The following VDAC1 variants were observed in gnomAD, a reference collection of about 807,000 sequenced individuals.
VDAC1 encodes non-selective voltage-gated ion channel VDAC1.
VDAC1 carries 10 observed loss-of-function variants against 34.7 expected under a neutral mutation model. That is an observed-to-expected ratio of 0.29 (90% confidence interval 0.18 to 0.49). VDAC1 has a LOEUF of 0.49. VDAC1 is among the 20% of genes least tolerant of loss of function. The pLI is 0.99. For synonymous variants in VDAC1, 130 were observed against 136.0 expected (o/e 0.96, Z 0.30); for missense variants, 230 against 347.9 (o/e 0.66, Z 2.69).
chr5:134,106,728 T>C, the VDAC1 span, among the ~76,000 whole-genome samples: 1 of 152,242 alleles, frequency 6.6e-6, no homozygotes, highest in Non-Finnish European at 1.5e-5. Context: ...TTACAGATGA[T>C]ACCAAAGAGG....
the VDAC1 span, among the ~76,000 whole-genome samples, chr5:134,079,724 A>C: frequency 2.0e-5 from 3 of 152,146 alleles, no homozygotes; most frequent in Non-Finnish European, 4.4e-5. Flanking sequence ...ACAAAGCCCC[A>C]GGCCTTCCCA....
chr5:134,101,435 C>CA, the VDAC1 span, among the ~76,000 whole-genome samples: 1 of 151,680 alleles, frequency 6.6e-6, no homozygotes, highest in Admixed American at 6.6e-5. Context: ...ATTAAAAATA[C>CA]AAAAAAATTA....
At chr5:133,991,229 C>G in intron 3 of VDAC1, 75 bp from the exon 4 acceptor site, 1 of 1,578,888 alleles carries the variant, frequency 6.3e-7, no homozygotes, top group Non-Finnish European at 8.6e-7. Flanking sequence ...AAACACTATA[C>G]TTGCCTTTCT....
the VDAC1 span, among the ~76,000 whole-genome samples, chr5:134,038,072 C>G: frequency 6.6e-6 from 1 of 152,092 alleles, no homozygotes; most frequent in Non-Finnish European, 1.5e-5. Flanking sequence ...TAGATATGGC[C>G]TCTACCCTCA....
the VDAC1 span, among the ~76,000 whole-genome samples, chr5:134,087,882 G>T: frequency 6.7e-6 from 1 of 149,626 alleles, no homozygotes; most frequent in African/African-American, 2.5e-5. Flanking sequence ...GGGCACGTTG[G>T]TTCACGCCTG....
chr5:134,028,499 T>TTATAACAGTGTTC, the VDAC1 span, among the ~76,000 whole-genome samples: 1 of 152,196 alleles, frequency 6.6e-6, no homozygotes, highest in Non-Finnish European at 1.5e-5. Context: ...TGATCATCAT[T>TTATAACAGTGTTC]TATAACAGTG....
chr5:134,032,041 T>C, the VDAC1 span, among the ~76,000 whole-genome samples: 1 of 143,344 alleles, frequency 7.0e-6, no homozygotes, highest in Non-Finnish European at 1.5e-5. Flanking sequence ...GAGAATTGCC[T>C]GAACCCGGGA....
At chr5:134,021,559 A>AG in the VDAC1 span, among the ~76,000 whole-genome samples, 1 of 147,304 alleles carries the variant, frequency 6.8e-6, no homozygotes, top group Non-Finnish European at 1.5e-5. Flanking sequence ...CCTTGTCTTA[A>AG]AAAAAAAAAA....
the VDAC1 span, among the ~76,000 whole-genome samples, chr5:134,017,059 C>T: frequency 5.3e-5 from 8 of 152,220 alleles, no homozygotes; most frequent in Non-Finnish European, 1.2e-4. Context: ...TCTGCTTAAA[C>T]GGGAACTTCT....
rs1402119216 is a variant in VDAC1, at chr5:134,003,804, G to A, written c.-7+1091C>T. ...ACAATTGCTCCCGTCCTATAGATGA[G>A]AAAACGAAGGTATGGGGACTTCCCA... On this transcript the variant is annotated intron_variant, in intron 1 of 8. Coordinates refer to ENST00000265333, the MANE Select transcript of VDAC1 (RefSeq NM_003374.3). 5.3e-5 allele frequency among the ~76,000 whole-genome samples: 8 copies of A among 152,320 alleles called. No individual in the cohort carries two copies. In the East Asian group the frequency reaches 9.6e-4, roughly 18 times the overall value.
chr5:134,001,548 C>T (rs1561600858), intron 1 of VDAC1, among the ~76,000 whole-genome samples: 1 of 151,846 alleles, frequency 6.6e-6, no homozygotes, highest in African/African-American at 2.4e-5. Context: ...AACCCCATCT[C>T]TACTAAAAAA....
chr5:134,055,789 T>C, the VDAC1 span, among the ~76,000 whole-genome samples: 6 of 151,784 alleles, frequency 4.0e-5, no homozygotes, highest in Admixed American at 1.3e-4. Flanking sequence ...GTAAACTATA[T>C]AGATTAAAAA....
intron 5 of VDAC1, among the ~76,000 whole-genome samples, chr5:133,984,712 G>C (rs1263805344): frequency 6.6e-6 from 1 of 152,160 alleles, no homozygotes; most frequent in Non-Finnish European, 1.5e-5. Context: ...AAGGCAGGTA[G>C]ATCACTTGAG....
the VDAC1 span, among the ~76,000 whole-genome samples, chr5:134,110,584 C>T: frequency 3.9e-5 from 6 of 152,226 alleles, no homozygotes; most frequent in African/African-American, 1.2e-4. Context: ...GACCTGTAAC[C>T]GGGTTTTGCC....
chr5:133,994,854 A>G (rs893873074), intron 1 of VDAC1, among the ~76,000 whole-genome samples: 3 of 152,138 alleles, frequency 2.0e-5, no homozygotes, highest in African/African-American at 4.8e-5. Flanking sequence ...CTGGGGAAGC[A>G]GAAGGAGAAG....
the VDAC1 span, among the ~76,000 whole-genome samples, chr5:134,067,223 A>G: frequency 1.2e-3 from 175 of 151,536 alleles, no homozygotes; most frequent in African/African-American, 4.1e-3. Flanking sequence ...TTACAGGCAT[A>G]TGCCACCATG....
At chr5:134,063,551 G>C in the VDAC1 span, among the ~76,000 whole-genome samples, 100,892 of 152,064 alleles carry the variant, frequency 0.66, 33,798 homozygotes, top group East Asian at 0.79. Flanking sequence ...GGGGCTTGCT[G>C]TATTTTGCTG....
chr5:134,042,103 G>T, the VDAC1 span, among the ~76,000 whole-genome samples: 3 of 152,310 alleles, frequency 2.0e-5, no homozygotes, highest in Admixed American at 2.0e-4. Flanking sequence ...ACCCCTTGTG[G>T]CAATGCTCTC....
chr5:134,021,876 ATT>A, the VDAC1 span, among the ~76,000 whole-genome samples: 10 of 133,208 alleles, frequency 7.5e-5, no homozygotes, highest in Admixed American at 1.6e-4. Flanking sequence ...AAAGCCTGTG[ATT>A]TTTTTTTTTT....
Sources: allele counts gnomAD v4.1 joint callset (sites outside exome capture counted in the v4.1 genomes callset), GRCh38; gene constraint gnomAD v4.1.1; transcripts MANE v1.5; gene names NCBI Gene and HGNC (gene_info 2026-07-23, HGNC 2026-07-21).